The following HECTD2 variants were observed in gnomAD, a reference collection of about 807,000 sequenced individuals.
HECTD2 encodes HECT domain E3 ubiquitin protein ligase 2.
In HECTD2, 35 loss-of-function variants were observed where a neutral mutation model predicts 103.2. The observed-to-expected ratio is 0.34, with a 90% CI of 0.26 to 0.45. The LOEUF (loss-of-function observed/expected upper bound fraction) is 0.45, where lower values mean the gene tolerates loss of function less well. HECTD2 is among the 20% of genes least tolerant of loss of function. The pLI is 1.00. For missense variants in HECTD2, 596 were observed against 937.4 expected, an observed-to-expected ratio of 0.64 and a Z score of 4.76; for synonymous variants, 281 against 329.9, an observed-to-expected ratio of 0.85 and a Z score of 1.61.
intron 5 of HECTD2, among the ~76,000 whole-genome samples, chr10:91,465,562 T>TG (rs1357729413): frequency 2.0e-5 from 3 of 148,052 alleles, no homozygotes; most frequent in African/African-American, 7.4e-5. Context: ...GCTGTAGGGT[T>TG]TTTTTTTTTT....
chr10:91,511,624 A>G (rs1254135830), intron 20 of HECTD2, among the ~76,000 whole-genome samples: 1 of 152,148 alleles, frequency 6.6e-6, no homozygotes, highest in Non-Finnish European at 1.5e-5. Flanking sequence ...ATCAGGCATT[A>G]GATTCTCATA....
intron 2 of HECTD2, among the ~76,000 whole-genome samples, chr10:91,456,241 T>C (rs1845085461): frequency 2.6e-5 from 4 of 152,316 alleles, no homozygotes; most frequent in South Asian, 2.1e-4. Context: ...TATGTCCTGT[T>C]TTATTTCGTT....
intron 20 of HECTD2, among the ~76,000 whole-genome samples, chr10:91,503,589 C>G (rs1290451074): frequency 1.3e-5 from 2 of 152,204 alleles, no homozygotes; most frequent in African/African-American, 4.8e-5. Context: ...AAACGGTGCA[C>G]CACGAGATTA....
intron 20 of HECTD2, among the ~76,000 whole-genome samples, chr10:91,506,352 A>T (rs1298001061): frequency 6.6e-6 from 1 of 151,734 alleles, no homozygotes; most frequent in Non-Finnish European, 1.5e-5. Flanking sequence ...TTTTGAAAGG[A>T]TCAACAAAAT....
At chr10:91,507,203 G>C (rs1353845939) in intron 20 of HECTD2, among the ~76,000 whole-genome samples, 9 of 150,866 alleles carry the variant, frequency 6.0e-5, no homozygotes, top group South Asian at 2.1e-4. Context: ...CATTCCCTTT[G>C]AAAACTGGCA....
At chr10:91,505,888 G>A (rs1008613670) in intron 20 of HECTD2, among the ~76,000 whole-genome samples, 12 of 152,236 alleles carry the variant, frequency 7.9e-5, no homozygotes, top group African/African-American at 2.9e-4. Flanking sequence ...GCTCTCCTCA[G>A]CAAATGTAAA....
At chr10:91,499,186 C>T in intron 18 of HECTD2, 36 bp downstream of exon 18, 1 of 1,157,208 alleles carries the variant, frequency 8.6e-7, no homozygotes, top group Non-Finnish European at 1.3e-6. Context: ...TTTCGGTTAG[C>T]TTTTGTAGTA....
rs903323664 is a variant in HECTD2 at position 91,410,549 on chromosome 10, C to G, written c.111C>G (p.Ile37Met). The G allele has an allele frequency of 6.8e-7, 1 of 1,460,040 alleles. No homozygotes were observed. The highest frequency in any genetic ancestry group is 9.0e-7 in the Non-Finnish European group (1 of 1,107,280). 90.4% of individuals were successfully genotyped at this position (1,460,040 alleles called of 1,614,324 possible). The change falls in exon 1 of 21, where the codon ATC becomes ATG. Residue 37 changes from isoleucine (I) to methionine (M), a missense_variant. Ile to Met is a conservative substitution (Grantham distance 10, BLOSUM62 1). This residue lies in a region of HECTD2 where 220 missense variants were observed against 233.9 expected (regional missense o/e 0.94). Coordinates refer to ENST00000298068, the MANE Select transcript of HECTD2 (RefSeq NM_182765.6). ...KESEREKLPP[I>M]VSAGAGATAG... ...CAGAGCGCGAGAAGCTGCCGCCCAT[C>G]GTATCGGCGGGCGCCGGCGCGACCG...
Position 91,491,241 on chromosome 10 carries a change from T to C in HECTD2, c.1233T>C (p.Asp411=), listed in dbSNP as rs984104538. The C allele has an allele frequency of 6.3e-6, 10 of 1,585,776 alleles. No homozygotes were observed. Among genetic ancestry groups the C allele is most frequent in the Non-Finnish European group, 6.0e-6 (7 of 1,159,360 alleles). The change falls in exon 12 of 21, where the codon GAT becomes GAC. Residue 411 remains aspartate, a synonymous_variant. Transcript: ENST00000298068. ...AAGTATCTCGAAGACAGAGACCTGATATGAATATATTATTTCTAAATATGA... is the reference window on the plus strand; with the variant it reads ...AAGTATCTCGAAGACAGAGACCTGACATGAATATATTATTTCTAAATATGA... ...VDKVSRRQRP[D]MNILFLNMKV...
intron 2 of HECTD2, among the ~76,000 whole-genome samples, chr10:91,453,490 A>G (rs1844926371): frequency 6.6e-6 from 1 of 152,138 alleles, no homozygotes; most frequent in Non-Finnish European, 1.5e-5. Flanking sequence ...TCTGCCCTTC[A>G]TTCCAACTGG....
intron 1 of HECTD2, among the ~76,000 whole-genome samples, chr10:91,416,581 A>G (rs1843135738): frequency 6.6e-6 from 1 of 152,006 alleles, no homozygotes; most frequent in Non-Finnish European, 1.5e-5. Flanking sequence ...GTATAAGTAC[A>G]CTCTGTGATG....
At chr10:91,418,209 AATTG>A (rs1263696237) in intron 1 of HECTD2, among the ~76,000 whole-genome samples, 14 of 152,016 alleles carry the variant, frequency 9.2e-5, no homozygotes, top group Admixed American at 7.2e-4. Flanking sequence ...CAAGACTCTT[AATTG>A]ATTGAGAATT....
chr10:91,453,910 T>G (rs969603134), intron 2 of HECTD2, among the ~76,000 whole-genome samples: 1 of 152,018 alleles, frequency 6.6e-6, no homozygotes, highest in Non-Finnish European at 1.5e-5. Flanking sequence ...AAAGTGGACT[T>G]AGAACAAAGA....
chr10:91,453,925 T>C (rs1180610853), intron 2 of HECTD2, among the ~76,000 whole-genome samples: 1 of 151,966 alleles, frequency 6.6e-6, no homozygotes, highest in Non-Finnish European at 1.5e-5. Flanking sequence ...CAAAGAAAAC[T>C]CATGGAGACA....
At chr10:91,438,733 G>C (rs1231507289) in intron 2 of HECTD2, among the ~76,000 whole-genome samples, 6 of 152,122 alleles carry the variant, frequency 3.9e-5, no homozygotes, top group Admixed American at 6.5e-5. Context: ...ATCCTCTCCA[G>C]CATTTGTTGT....
At chr10:91,495,657 A>G (rs1360441552) in intron 14 of HECTD2, among the ~76,000 whole-genome samples, 1 of 152,086 alleles carries the variant, frequency 6.6e-6, no homozygotes, top group Middle Eastern at 3.2e-3. Context: ...TTGACACTGA[A>G]ACTCCAAGTA....
At chr10:91,411,451 T>A (rs1170329345) in intron 1 of HECTD2, among the ~76,000 whole-genome samples, 1 of 152,244 alleles carries the variant, frequency 6.6e-6, no homozygotes, top group Non-Finnish European at 1.5e-5. Flanking sequence ...TCATGACTTG[T>A]CATGCAGCTG....
At chr10:91,509,015 A>G (rs895537587) in intron 20 of HECTD2, among the ~76,000 whole-genome samples, 33 of 151,524 alleles carry the variant, frequency 2.2e-4, no homozygotes, top group Non-Finnish European at 4.7e-4. Flanking sequence ...TCAGTAAACT[A>G]TCGCAATAAC....
At chr10:91,435,455 G>A (rs1844075570) in intron 2 of HECTD2, among the ~76,000 whole-genome samples, 1 of 152,058 alleles carries the variant, frequency 6.6e-6, no homozygotes, top group Non-Finnish European at 1.5e-5. Context: ...GGAATAAGAA[G>A]TAGGCTCATC....
Sources: allele counts gnomAD v4.1 joint callset (sites outside exome capture counted in the v4.1 genomes callset), GRCh38; gene constraint gnomAD v4.1.1; regional missense constraint gnomAD v4.1.1; transcripts MANE v1.5; gene names NCBI Gene and HGNC (gene_info 2026-07-23, HGNC 2026-07-21).